The following ME3 variants were observed in gnomAD, a reference collection of about 807,000 sequenced individuals.
ME3 encodes the protein malic enzyme 3, also known as NADP-dependent malic enzyme, mitochondrial.
A neutral mutation model predicts 68.9 loss-of-function variants in ME3; 48 were observed. The observed-to-expected ratio is 0.70, with a 90% CI of 0.55 to 0.89. ME3 has a LOEUF of 0.89. ME3 is among the 40% of genes least tolerant of loss of function. The probability of loss-of-function intolerance (pLI) is 0.00; values close to 1 mark genes in which losing one functional copy is unlikely to be tolerated. For synonymous variants in ME3, 320 were observed against 318.8 expected (o/e 1.00, Z -0.04); for missense variants, 675 against 797.4 (o/e 0.85, Z 1.85).
intron 7 of ME3, 130 bp downstream of exon 7, chr11:86,487,207 A>G: frequency 1.4e-6 from 1 of 735,034 alleles, no homozygotes; most frequent in African/African-American, 1.7e-5. Flanking sequence ...GTCAAGTTGG[A>G]ATTTTCAGAA....
chr11:86,499,710 G>A (rs1952596304), intron 5 of ME3, among the ~76,000 whole-genome samples: 1 of 152,156 alleles, frequency 6.6e-6, no homozygotes, highest in African/African-American at 2.4e-5. Context: ...TGAAAATCAT[G>A]ATATTCTCCC....
chr11:86,656,824 T>A (rs4943954), intron 2 of ME3, among the ~76,000 whole-genome samples: 151,712 of 151,972 alleles, frequency 1, 75,729 homozygotes, highest in Non-Finnish European at 1. Context: ...GACACTTCTC[T>A]AAAGAAGACA....
intron 2 of ME3, among the ~76,000 whole-genome samples, chr11:86,563,072 G>A (rs901074416): frequency 1.3e-5 from 2 of 152,030 alleles, no homozygotes; most frequent in Admixed American, 6.6e-5. Context: ...CTCTATCATT[G>A]ATGGGCACCT....
chr11:86,595,971 G>A (rs1400647571), intron 2 of ME3, among the ~76,000 whole-genome samples: 2 of 152,202 alleles, frequency 1.3e-5, no homozygotes, highest in African/African-American at 4.8e-5. Flanking sequence ...ATGCCTCCAT[G>A]CACTAAACAA....
intron 2 of ME3, among the ~76,000 whole-genome samples, chr11:86,645,737 C>G (rs1336087965): frequency 2.0e-5 from 3 of 152,172 alleles, no homozygotes; most frequent in African/African-American, 7.2e-5. Context: ...GGTCCCTGAC[C>G]CCTGTGCCTC....
chr11:86,593,668 C>G (rs914709160), intron 2 of ME3, among the ~76,000 whole-genome samples: 2 of 146,444 alleles, frequency 1.4e-5, no homozygotes, highest in Admixed American at 1.5e-4. Flanking sequence ...GCCACTGTAT[C>G]ATTTTGTTCT....
intron 2 of ME3, among the ~76,000 whole-genome samples, chr11:86,581,069 C>T (rs1392103876): frequency 6.6e-6 from 1 of 152,156 alleles, no homozygotes; most frequent in East Asian, 1.9e-4. Flanking sequence ...GAATAAAATA[C>T]AGCAGGGTTT....
intron 2 of ME3, among the ~76,000 whole-genome samples, chr11:86,598,682 C>T (rs879806109): frequency 1.3e-5 from 2 of 152,208 alleles, no homozygotes; most frequent in Non-Finnish European, 2.9e-5. Flanking sequence ...CCCAAGCAGC[C>T]TAACTGGGAG....
At chr11:86,558,337 G>A (rs1594439226) in intron 3 of ME3, among the ~76,000 whole-genome samples, 1 of 152,284 alleles carries the variant, frequency 6.6e-6, no homozygotes, top group South Asian at 2.1e-4. Flanking sequence ...TTGCTCTTCA[G>A]AGTGACTTAG....
At chr11:86,585,515 T>C (rs1958680821) in intron 2 of ME3, among the ~76,000 whole-genome samples, 3 of 152,148 alleles carry the variant, frequency 2.0e-5, no homozygotes, top group African/African-American at 7.2e-5. Context: ...TGGTGTTCAC[T>C]GAAATGGGAC....
At chr11:86,549,878 G>A (rs1039748249) in intron 4 of ME3, among the ~76,000 whole-genome samples, 2 of 152,218 alleles carry the variant, frequency 1.3e-5, no homozygotes, top group Non-Finnish European at 2.9e-5. Flanking sequence ...GCTGAAGGTT[G>A]AGTTGGAGAT....
At chr11:86,493,669 ATCATGGGATGTCCCT>A (rs2138982288) in intron 6 of ME3, among the ~76,000 whole-genome samples, 1 of 152,338 alleles carries the variant, frequency 6.6e-6, no homozygotes, top group South Asian at 2.1e-4. Flanking sequence ...TTGGAACTTA[ATCATGGGATGTCCCT>A]TCTTCATGGG....
At chr11:86,576,619 C>A (rs950215107) in intron 2 of ME3, among the ~76,000 whole-genome samples, 8 of 152,132 alleles carry the variant, frequency 5.3e-5, no homozygotes, top group African/African-American at 1.9e-4. Flanking sequence ...CTTTATGTGC[C>A]CTTCCTGGAG....
Position 86,610,399 on chromosome 11 carries a change from T to C in ME3, c.184-50576A>G, listed in dbSNP as rs113313150. 5.3e-3 allele frequency among the ~76,000 whole-genome samples: 810 copies of C among 152,314 alleles called. 3 individuals carry two copies. Among genetic ancestry groups the C allele is most frequent in the African/African-American group, 0.018 (756 of 41,570 alleles). ...CAAAGGAAAGAACCATTACTCCTGATATTTCATGGAGAAAGGGGCATTTAA... is the reference window on the plus strand; with the variant it reads ...CAAAGGAAAGAACCATTACTCCTGACATTTCATGGAGAAAGGGGCATTTAA... On this transcript the variant is annotated intron_variant, in intron 2 of 14. Coordinates refer to ENST00000543262, the Ensembl canonical transcript of ME3.
chr11:86,613,631 C>CA (rs1942752570), intron 2 of ME3, among the ~76,000 whole-genome samples: 2 of 152,256 alleles, frequency 1.3e-5, no homozygotes, highest in South Asian at 4.1e-4. Context: ...TCTCAGGATA[C>CA]AAAATCAATG....
In ME3 at chr11:86,457,667, A is replaced by G. The variant is rs1302258931; in HGVS notation, c.920-7269T>C. On this transcript the variant is annotated intron_variant, in intron 8 of 14. Coordinates refer to ENST00000543262, the Ensembl canonical transcript of ME3. ...GAAGCTACTTAGCTGTTTCGAGGTAACCACTCTGAGAAGCCCATGGGTCCA... is the reference window on the plus strand; with the variant it reads ...GAAGCTACTTAGCTGTTTCGAGGTAGCCACTCTGAGAAGCCCATGGGTCCA... 4 of 1,285,892 alleles carry G rather than the reference A, an allele frequency of 3.1e-6. No homozygotes were observed. In the South Asian group the frequency reaches 5.0e-5, roughly 16 times the overall value. The allele number at this position is 1,285,892 out of a possible 1,614,324, so 79.7% of individuals were successfully genotyped here. A position where few individuals can be genotyped will look rare whatever the true frequency, so the allele number is the denominator to read the frequency against.
chr11:86,671,670 G>T, intron 2 of ME3, 92 bp downstream of exon 2: 2 of 1,496,384 alleles, frequency 1.3e-6, no homozygotes, highest in South Asian at 1.2e-5. Context: ...AAGGGCGCCC[G>T]GGAGGATCCT....
chr11:86,444,794 C>A (rs1206667686), intron 13 of ME3, among the ~76,000 whole-genome samples: 1 of 152,182 alleles, frequency 6.6e-6, no homozygotes, highest in Non-Finnish European at 1.5e-5. Flanking sequence ...ATGGGAAAAT[C>A]AAATTCAACT....
In ME3 at chr11:86,605,810, G is replaced by C. The variant is rs549636602; in HGVS notation, c.184-45987C>G. 3.3e-3 allele frequency among the ~76,000 whole-genome samples: 506 copies of C among 151,634 alleles called. 1 individual carries two copies. The highest frequency in any genetic ancestry group is 0.012 in the African/African-American group (477 of 41,276). Reference sequence around the variant, plus strand: ...TCATACAGTCAGAGGGGGAGGGTTAGAGCTCAAACCCAGACAGCCTCATTC... The same window carrying C: ...TCATACAGTCAGAGGGGGAGGGTTACAGCTCAAACCCAGACAGCCTCATTC... On this transcript the variant is annotated intron_variant, in intron 2 of 14. Coordinates refer to ENST00000543262, the Ensembl canonical transcript of ME3.
Sources: allele counts gnomAD v4.1 joint callset (sites outside exome capture counted in the v4.1 genomes callset), GRCh38; gene constraint gnomAD v4.1.1; transcripts MANE v1.5; gene names NCBI Gene and HGNC (gene_info 2026-07-23, HGNC 2026-07-21).